DLGAP1: variants seen among roughly 807,000 people sequenced by gnomAD.
DLGAP1 encodes the protein DLG associated protein 1.
Under a neutral mutation model 90.8 loss-of-function variants are expected in DLGAP1, and 11 were observed. The observed-to-expected ratio is 0.12, with a 90% CI of 0.08 to 0.20. The LOEUF is 0.20. DLGAP1 is among the 10% of genes least tolerant of loss of function. DLGAP1 has a pLI of 1.00. For synonymous variants in DLGAP1, 558 were observed against 540.7 expected, an observed-to-expected ratio of 1.03 and a Z score of -0.44; for missense variants, 1,050 against 1,333.8, an observed-to-expected ratio of 0.79 and a Z score of 3.31.
At chr18:4,200,679 A>G (rs2077591459) in intron 1 of DLGAP1, among the ~76,000 whole-genome samples, 1 of 152,096 alleles carries the variant, frequency 6.6e-6, no homozygotes, top group South Asian at 2.1e-4. Context: ...TTAAATAATT[A>G]GGGTGATACT....
At chr18:3,588,248 T>C (rs891295620) in intron 7 of DLGAP1, among the ~76,000 whole-genome samples, 2 of 151,768 alleles carry the variant, frequency 1.3e-5, no homozygotes, top group African/African-American at 2.4e-5. Context: ...TCACCTGAGG[T>C]TGGGAGTTCG....
At chr18:4,134,512 C>T (rs758641531) in intron 2 of DLGAP1, among the ~76,000 whole-genome samples, 7 of 123,844 alleles carry the variant, frequency 5.7e-5, no homozygotes, top group African/African-American at 1.8e-4. Flanking sequence ...ATTTCAAAGT[C>T]GAGGCAGAGA....
intron 1 of DLGAP1, among the ~76,000 whole-genome samples, chr18:4,215,501 T>C (rs932532060): frequency 6.6e-6 from 1 of 152,164 alleles, no homozygotes; most frequent in African/African-American, 2.4e-5. Context: ...ATGCTGTGTT[T>C]TCACCGAATA....
At chr18:4,137,007 G>A (rs562982052) in intron 2 of DLGAP1, among the ~76,000 whole-genome samples, 27 of 152,054 alleles carry the variant, frequency 1.8e-4, no homozygotes, top group South Asian at 1.5e-3. Context: ...CCATTAACTC[G>A]TCATTTAACA....
intron 6 of DLGAP1, among the ~76,000 whole-genome samples, chr18:3,740,393 G>T (rs1306629580): frequency 6.6e-6 from 1 of 152,128 alleles, no homozygotes; most frequent in Admixed American, 6.5e-5. Context: ...AGCACGAATA[G>T]GTTTGCATGT....
chr18:4,193,959 T>C (rs2077447234), intron 1 of DLGAP1, among the ~76,000 whole-genome samples: 1 of 152,162 alleles, frequency 6.6e-6, no homozygotes, highest in Non-Finnish European at 1.5e-5. Context: ...TTTAAAAAGA[T>C]TTTTGCTGGC....
chr18:3,919,239 T>G (rs1438968264), intron 3 of DLGAP1, among the ~76,000 whole-genome samples: 1 of 152,228 alleles, frequency 6.6e-6, no homozygotes, highest in Non-Finnish European at 1.5e-5. Context: ...TACCTTTGTT[T>G]GAAGGTACCT....
chr18:3,888,918 G>A (rs189322037), intron 3 of DLGAP1, among the ~76,000 whole-genome samples: 1 of 152,294 alleles, frequency 6.6e-6, no homozygotes, highest in East Asian at 1.9e-4. Context: ...TGGATTTTCA[G>A]GAGAGGGTTG....
At chr18:3,679,527 T>C (rs2060434213) in intron 7 of DLGAP1, among the ~76,000 whole-genome samples, 1 of 151,412 alleles carries the variant, frequency 6.6e-6, no homozygotes, top group South Asian at 2.1e-4. Context: ...CATCCCCTTC[T>C]GTTCAGCCAC....
chr18:4,314,646 T>G (rs2080481777), intron 1 of DLGAP1, among the ~76,000 whole-genome samples: 1 of 152,222 alleles, frequency 6.6e-6, no homozygotes, highest in Non-Finnish European at 1.5e-5. Flanking sequence ...TACTGTTGTT[T>G]CCCCAACACC....
chr18:4,336,332 G>C (rs2081067053), intron 1 of DLGAP1, among the ~76,000 whole-genome samples: 1 of 152,236 alleles, frequency 6.6e-6, no homozygotes, highest in South Asian at 2.1e-4. Context: ...CTAGACAGCT[G>C]ATCTGGAAAG....
At chr18:3,894,412 G>A (rs1599123141) in intron 3 of DLGAP1, among the ~76,000 whole-genome samples, 1 of 152,124 alleles carries the variant, frequency 6.6e-6, no homozygotes, top group Non-Finnish European at 1.5e-5. Context: ...TAGGGGTCTA[G>A]TTTTCATTCT....
At chr18:4,155,617 G>T (rs1598499379) in intron 1 of DLGAP1, among the ~76,000 whole-genome samples, 1 of 152,264 alleles carries the variant, frequency 6.6e-6, no homozygotes, top group East Asian at 1.9e-4. Flanking sequence ...TGAAAAGTGG[G>T]TATATGTATA....
At chr18:3,839,450 G>A (rs2148621484) in intron 4 of DLGAP1, among the ~76,000 whole-genome samples, 1 of 152,282 alleles carries the variant, frequency 6.6e-6, no homozygotes, top group East Asian at 1.9e-4. Context: ...ATGGGAGCTA[G>A]TTTAAGGAGG....
intron 7 of DLGAP1, among the ~76,000 whole-genome samples, chr18:3,664,214 A>ACC (rs1555620376): frequency 1.4e-4 from 14 of 101,122 alleles, no homozygotes; most frequent in African/African-American, 4.1e-4. Flanking sequence ...ACACACACAC[A>ACC]CACCCACACA....
intron 2 of DLGAP1, among the ~76,000 whole-genome samples, chr18:4,137,520 G>A (rs776653595): frequency 2.0e-4 from 31 of 152,066 alleles, no homozygotes; most frequent in Non-Finnish European, 7.4e-5. Flanking sequence ...ATGCTGTTTT[G>A]GTTACTGTAG....
At position 3,565,693 on chromosome 18, in the gene DLGAP1, G is replaced by A. The variant is rs949703531; in HGVS notation, c.2057+1797C>T. Among the ~76,000 whole-genome samples the A allele has an allele frequency of 7.9e-5, 12 of 151,740 alleles. No individual in the cohort carries two copies. The highest frequency in any genetic ancestry group is 2.9e-4 in the African/African-American group (12 of 41,336). ...CTCTTAAAAATACAAAAATTAGCTG[G>A]GCGTGATGGTCCGTGCCTGTAGTCC... On this transcript the variant is annotated intron_variant, in intron 9 of 12. Transcript: ENST00000315677. The surrounding 1 kb of genome is among the most constrained non-coding windows in gnomAD (Gnocchi z 4.0).
chr18:3,959,570 G>A (rs2073153691), intron 3 of DLGAP1, among the ~76,000 whole-genome samples: 1 of 151,986 alleles, frequency 6.6e-6, no homozygotes, highest in South Asian at 2.1e-4. Context: ...GGGAGGCTGA[G>A]GCAGAATCGC....
intron 2 of DLGAP1, among the ~76,000 whole-genome samples, chr18:4,074,607 C>T (rs2075496728): frequency 6.6e-6 from 1 of 152,032 alleles, no homozygotes; most frequent in Non-Finnish European, 1.5e-5. Flanking sequence ...TGCCAACTGC[C>T]TTTTCTACCC....
Sources: allele counts gnomAD v4.1 joint callset (sites outside exome capture counted in the v4.1 genomes callset), GRCh38; gene constraint gnomAD v4.1.1; non-coding constraint Gnocchi (gnomAD v3.1); transcripts MANE v1.5; gene names NCBI Gene and HGNC (gene_info 2026-07-23, HGNC 2026-07-21).